The following PLEKHO1 variants were observed in gnomAD, a reference collection of about 807,000 sequenced individuals.
PLEKHO1 encodes the protein pleckstrin homology domain-containing family O member 1.
In PLEKHO1, 22 loss-of-function variants were observed where a neutral mutation model predicts 41.4. The ratio of observed to expected loss-of-function variants is 0.53; its 90% CI spans 0.38 to 0.76. PLEKHO1 has a LOEUF of 0.76. Ranked by LOEUF, PLEKHO1 falls within the 30% of genes least tolerant of loss-of-function variation. The pLI is 0.00. For missense variants in PLEKHO1, 488 were observed against 518.3 expected, an observed-to-expected ratio of 0.94 and a Z score of 0.57; for synonymous variants, 225 against 210.8, an observed-to-expected ratio of 1.07 and a Z score of -0.58.
At chr1:150,151,450 C>T (rs1553819009) in intron 2 of PLEKHO1, among the ~76,000 whole-genome samples, 5 of 152,164 alleles carry the variant, frequency 3.3e-5, no homozygotes. Context: ...CCACCTTAAC[C>T]CAGCCAGCCT....
chr1:150,159,080 C>A lies in PLEKHO1; in HGVS notation c.787C>A (p.Pro263Thr), dbSNP rs370470907. Residue 263 changes from proline (P) to threonine (T), a missense_variant, in exon 6 of 6, where the codon CCC becomes ACC. Physicochemically the swap from Pro to Thr is conservative, Grantham distance 38 (BLOSUM62 -1). Coordinates refer to ENST00000369124, the MANE Select transcript of PLEKHO1 (RefSeq NM_016274.6). ...YTPQAPKKLT[P>T]TEKGRCASLE... ...CCCCCAGGCACCCAAGAAGTTGACG[C>A]CCACAGAGAAAGGCCGCTGCGCCTC... 1.9e-6 allele frequency: 3 copies of A among 1,613,996 alleles called. No homozygotes were observed. Among genetic ancestry groups the A allele is most frequent in the South Asian group, 2.2e-5 (2 of 91,066 alleles).
rs1559957266 is a variant in PLEKHO1 at position 150,150,240 on chromosome 1, CG to C, written c.-17del. On this transcript the variant is annotated 5_prime_UTR_variant, in exon 1 of 6. Coordinates refer to ENST00000369124, the MANE Select transcript of PLEKHO1 (RefSeq NM_016274.6). The stretch of plus-strand genomic sequence containing the variant: ...GGCCGCCCCTCGGCTCGCCGCCCCG[CG>C]CCCGCGCCCGCTGGGAATGATGAAG... 5 of 1,071,330 alleles carry C rather than the reference CG, an allele frequency of 4.7e-6. No individual in the cohort carries two copies. The highest frequency in any genetic ancestry group is 3.1e-5 in the South Asian group (1 of 32,250). 66.4% of individuals were successfully genotyped at this position (1,071,330 alleles called of 1,614,324 possible).
chr1:150,150,382 C>CCGGCCG lies in PLEKHO1; in HGVS notation c.30+98_30+103dup, dbSNP rs1296314192. 7.9e-6 allele frequency: 4 copies of CCGGCCG among 505,148 alleles called. No homozygotes were observed. The African/African-American group carries it at 8.6e-5, about 11-fold the overall frequency. 31.3% of individuals were successfully genotyped at this position (505,148 alleles called of 1,614,324 possible). On this transcript the variant is annotated intron_variant, in intron 1 of 5. Transcript: ENST00000369124. ...CGCGGCGGCCTGGGAGACCCACGGC[C>CCGGCCG]CGGCCGCGCCCCCGCCCCGGCGGCC...
Position 150,159,096 on chromosome 1 carries a change from G to T in PLEKHO1, c.803G>T (p.Arg268Leu). 6.2e-7 allele frequency: 1 copy of T among 1,613,798 alleles called. No individual in the cohort carries two copies. The highest frequency in any genetic ancestry group is 8.5e-7 in the Non-Finnish European group (1 of 1,179,918). ...AAGTTGACGCCCACAGAGAAAGGCC[G>T]CTGCGCCTCCCTGGAGGAGATCCTA... ...PKKLTPTEKGRCASLEEILSQ... is the reference protein window; with the variant it reads ...PKKLTPTEKGLCASLEEILSQ... Residue 268 changes from arginine (R) to leucine (L), a missense_variant, in exon 6 of 6, where the codon CGC becomes CTC. Arg to Leu is a moderately radical substitution (Grantham distance 102). This residue lies in a region of PLEKHO1 where 337 missense variants were observed against 324.6 expected (regional missense o/e 1.04). Transcript: ENST00000369124.
intron 2 of PLEKHO1, among the ~76,000 whole-genome samples, chr1:150,151,589 G>C (rs1553819050): frequency 6.6e-6 from 1 of 152,102 alleles, no homozygotes; most frequent in Non-Finnish European, 1.5e-5. Context: ...AGTTATTTTC[G>C]TTGAAGCCAG....
Position 150,159,553 on chromosome 1 carries a change from T to C in PLEKHO1, c.*30T>C. Reference sequence around the variant, plus strand: ...AGGGTGGGGTCTGGAACTTGTCGGGTTGGACAGACTCTTATCTCCGTGTTG... The same window carrying C: ...AGGGTGGGGTCTGGAACTTGTCGGGCTGGACAGACTCTTATCTCCGTGTTG... On this transcript the variant is annotated 3_prime_UTR_variant, in exon 6 of 6. Transcript: ENST00000369124. The C allele has an allele frequency of 7.1e-7, 1 of 1,403,788 alleles. No individual in the cohort carries two copies. Among genetic ancestry groups the C allele is most frequent in the Non-Finnish European group, 9.8e-7 (1 of 1,025,198 alleles). 87.0% of individuals were successfully genotyped at this position (1,403,788 alleles called of 1,614,324 possible). A position where few individuals can be genotyped will look rare whatever the true frequency, so the allele number is the denominator to read the frequency against.
Position 150,159,761 on chromosome 1 carries a change from C to CAG in PLEKHO1, c.*248_*249dup. ...CAGTAGCAGGAAGTTTTTACCCAGC[C>CAG]AGAGAGAGAGAAGGCACGGTAAAGA... is the stretch of plus-strand genomic sequence containing the variant. On this transcript the variant is annotated 3_prime_UTR_variant, in exon 6 of 6. Coordinates refer to ENST00000369124, the MANE Select transcript of PLEKHO1 (RefSeq NM_016274.6). 2.2e-6 allele frequency: 1 copy of CAG among 446,160 alleles called. No homozygotes were observed. Among genetic ancestry groups the CAG allele is most frequent in the Non-Finnish European group, 4.0e-6 (1 of 247,684 alleles). The allele number at this position is 446,160 out of a possible 1,614,324, so 27.6% of individuals were successfully genotyped here. A position where few individuals can be genotyped will look rare whatever the true frequency, so the allele number is the denominator to read the frequency against.
Position 150,150,938 on chromosome 1 carries a change from T to A in PLEKHO1, c.57T>A (p.Pro19=). ...GACCTCAGGATGGAAACCAGCAGCC[T>A]GCACCGCCCGAGAAGGTCGGCTGGG... ...KRGPQDGNQQ[P]APPEKVGWVR... The change falls in exon 2 of 6, where the codon CCT becomes CCA. Residue 19 remains proline, a synonymous_variant. Transcript: ENST00000369124. 6.2e-7 allele frequency: 1 copy of A among 1,614,034 alleles called. No individual in the cohort carries two copies. The highest frequency in any genetic ancestry group is 8.5e-7 in the Non-Finnish European group (1 of 1,179,898).
chr1:150,155,298 G>A (rs1236499192), intron 2 of PLEKHO1: 3 of 152,194 alleles, frequency 2.0e-5, no homozygotes, highest in African/African-American at 7.2e-5. Context: ...CAAGTCTAAA[G>A]TGTAGTCTCC....
rs1281559795 is a variant in PLEKHO1, at chr1:150,157,454, C to T, written c.493C>T (p.Arg165Cys). The change falls in exon 5 of 6, where the codon CGC becomes TGC. Residue 165 changes from arginine to cysteine, a missense_variant. Transcript: ENST00000369124. ...CAGGGCAAAAATCCAGCACTCCCGC[C>T]GCCCCCCAACAAGGGGACACCTAAT... The part of the protein sequence containing the change: ...RDRAKIQHSR[R>C]PPTRGHLMAV... 2.5e-6 allele frequency: 4 copies of T among 1,613,760 alleles called. No homozygotes were observed. Among genetic ancestry groups the T allele is most frequent in the Admixed American group, 1.7e-5 (1 of 60,024 alleles).
intron 2 of PLEKHO1, chr1:150,155,807 T>C: frequency 5.3e-6 from 2 of 375,836 alleles, no homozygotes; most frequent in South Asian, 5.0e-5. Flanking sequence ...AGTGGGACTC[T>C]GGAAATGGCA....
In PLEKHO1 at chr1:150,151,056, G is replaced by T; in HGVS notation, c.175G>T (p.Glu59Ter). Residue 59 changes from glutamate (E) to a stop codon, truncating the protein, a stop_gained and splice_region_variant, in exon 2 of 6, where the codon GAG becomes TAG. Coordinates refer to ENST00000369124, the MANE Select transcript of PLEKHO1 (RefSeq NM_016274.6). LOFTEE classifies it high-confidence loss of function. ...KGDQLYISEK[E>*]VKDEKNIQEV... ...GGACCAGCTCTACATCTCTGAGAAG[G>T]AGGTGGGTGCCTCTTGCCTCTAACT... 6.2e-7 allele frequency: 1 copy of T among 1,614,012 alleles called. No homozygotes were observed.
At chr1:150,157,608 G>A (rs910453170) in intron 5 of PLEKHO1, 122 bp downstream of exon 5, 11 of 654,908 alleles carry the variant, frequency 1.7e-5, no homozygotes, top group Admixed American at 2.8e-5. Context: ...TCAAAGGCGA[G>A]GGAAGTCCTT....
intron 1 of PLEKHO1, 133 bp from the exon 2 acceptor site, chr1:150,150,779 G>C: frequency 2.7e-6 from 2 of 733,390 alleles, no homozygotes; most frequent in South Asian, 1.8e-5. Context: ...GAGCGAACCT[G>C]GGGCGGCCCC....
chr1:150,158,766 C>G, intron 5 of PLEKHO1, 53 bp from the exon 6 acceptor site: 1 of 1,303,318 alleles, frequency 7.7e-7, no homozygotes, highest in East Asian at 2.3e-5. Context: ...GCAGTCATTC[C>G]GAAAATCCCT....
chr1:150,150,181 GAGCCCCCGCGGTGCCGCC>G lies in PLEKHO1; in HGVS notation c.-76_-59del. The G allele has an allele frequency of 1.6e-6, 1 of 643,816 alleles. No individual in the cohort carries two copies. The highest frequency in any genetic ancestry group is 2.0e-5 in the African/African-American group (1 of 50,930). 39.9% of individuals were successfully genotyped at this position (643,816 alleles called of 1,614,324 possible). ...GCTCCGACGCCCTCCCGCGGGGAAG[GAGCCCCCGCGGTGCCGCC>G]GAGGCCCCGACGCGGGGCCGCCCCT... On this transcript the variant is annotated 5_prime_UTR_variant, in exon 1 of 6. Transcript: ENST00000369124.
intron 1 of PLEKHO1, chr1:150,150,596 C>G (rs1308758154): frequency 3.8e-6 from 1 of 261,234 alleles, no homozygotes; most frequent in Non-Finnish European, 7.4e-6. Flanking sequence ...AGAGAAACGC[C>G]GTTAGTCCCC....
chr1:150,157,077 A>G, intron 4 of PLEKHO1, 62 bp downstream of exon 4: 1 of 1,056,350 alleles, frequency 9.5e-7, no homozygotes, highest in East Asian at 2.4e-5. Context: ...GCTGTGACCC[A>G]CTGAAGGGGG....
chr1:150,159,708 C>T lies in PLEKHO1; in HGVS notation c.*185C>T, dbSNP rs1318557489. ...ACTTTCCATATGCCCCTCGTATGCC[C>T]CTCAGGTTTGAGGAAGTGACCCCGC... is the stretch of plus-strand genomic sequence containing the variant. On this transcript the variant is annotated 3_prime_UTR_variant, in exon 6 of 6. Transcript: ENST00000369124. The T allele has an allele frequency of 7.6e-6, 4 of 527,224 alleles. No individual in the cohort carries two copies. Among genetic ancestry groups the T allele is most frequent in the African/African-American group, 5.7e-5 (3 of 52,972 alleles). 32.7% of individuals were successfully genotyped at this position (527,224 alleles called of 1,614,324 possible).
Sources: gnomAD v4.1 joint callset for allele counts (sites outside exome capture counted in the v4.1 genomes callset) on GRCh38, gnomAD v4.1.1 for gene constraint, gnomAD v4.1.1 regional missense constraint, MANE v1.5 for transcripts, NCBI Gene and HGNC (gene_info 2026-07-23, HGNC 2026-07-21) for gene names.